Variants in FBXL18 observed in about 807,000 individuals in gnomAD.
FBXL18 encodes the protein F-box/LRR-repeat protein 18.
Under a neutral mutation model 46.0 loss-of-function variants are expected in FBXL18, and 36 were observed. The observed-to-expected ratio is 0.78, with a 90% CI of 0.60 to 1.03. FBXL18 has a LOEUF of 1.03. Among genes scored for constraint, FBXL18 ranks in the 50% least tolerant of loss-of-function variants. FBXL18 has a pLI of 0.00. For synonymous variants in FBXL18, 557 were observed against 465.3 expected (o/e 1.20, Z -2.54); for missense variants, 977 against 1,004.1 (o/e 0.97, Z 0.36).
At position 5,490,072 on chromosome 7, in the gene FBXL18, G is replaced by A. The variant is rs778938098; in HGVS notation, c.2000+1159C>T. 1.5e-5 allele frequency: 20 copies of A among 1,357,156 alleles called. 2 individuals are homozygous for A. The highest frequency in any genetic ancestry group is 3.5e-5 in the South Asian group (3 of 86,624). The allele number at this position is 1,357,156 out of a possible 1,614,324, so 84.1% of individuals were successfully genotyped here. A position where few individuals can be genotyped will look rare whatever the true frequency, so the allele number is the denominator to read the frequency against. Reference sequence around the variant, plus strand: ...CAGGATTATTCCTGAGACAGCCAGCGGCCGACCGCAAGGACAACAGACTAC... The same window carrying A: ...CAGGATTATTCCTGAGACAGCCAGCAGCCGACCGCAAGGACAACAGACTAC... On this transcript the variant is annotated intron_variant, in intron 4 of 4. Coordinates refer to ENST00000382368, the MANE Select transcript of FBXL18 (RefSeq NM_024963.6).
intron 4 of FBXL18, among the ~76,000 whole-genome samples, chr7:5,468,601 T>A (rs1052471255): frequency 6.6e-6 from 1 of 152,066 alleles, no homozygotes; most frequent in Non-Finnish European, 1.5e-5. Flanking sequence ...CCTCTTTTTA[T>A]ATTTATTTAG....
chr7:5,496,011 G>T lies in FBXL18; in HGVS notation c.1781+4477C>A, dbSNP rs534474670. Reference sequence around the variant, plus strand: ...CCACAGAACCCGCAGGCCTCTCCGCGCCTTCTCCATGGCCCTGCTCCTGAG... The same window carrying T: ...CCACAGAACCCGCAGGCCTCTCCGCTCCTTCTCCATGGCCCTGCTCCTGAG... On this transcript the variant is annotated intron_variant, in intron 3 of 4. Transcript: ENST00000382368. The surrounding 1 kb of genome is among the most constrained non-coding windows in gnomAD (Gnocchi z 4.8). 2.4e-6 allele frequency: 1 copy of T among 411,042 alleles called. No individual in the cohort carries two copies. The highest frequency in any genetic ancestry group is 5.2e-6 in the Non-Finnish European group (1 of 193,500). 25.5% of individuals were successfully genotyped at this position (411,042 alleles called of 1,614,324 possible).
chr7:5,486,354 G>A (rs2128234762), intron 4 of FBXL18, among the ~76,000 whole-genome samples: 1 of 152,158 alleles, frequency 6.6e-6, no homozygotes, highest in African/African-American at 2.4e-5. Context: ...GGGAGGTGGA[G>A]GCTGCAGTGA....
chr7:5,513,624 C>T (rs774795665), intron 1 of FBXL18, 33 bp downstream of exon 1: 1 of 1,611,638 alleles, frequency 6.2e-7, no homozygotes, highest in Non-Finnish European at 8.5e-7. Context: ...GCCGCCGAGG[C>T]AGAAGCAGAG....
At position 5,477,276 on chromosome 7, in the gene FBXL18, G is replaced by C. The variant is rs1299851525; in HGVS notation, c.*4499C>G. Among the ~76,000 whole-genome samples, 1 of 152,106 alleles carries C rather than the reference G, an allele frequency of 6.6e-6. No individual in the cohort carries two copies. Among genetic ancestry groups the C allele is most frequent in the East Asian group, 1.9e-4 (1 of 5,192 alleles). The stretch of plus-strand genomic sequence containing the variant: ...AAAGACCCCCCAGCGTCGTGGTCAA[G>C]GCTACCAGGAACTGGCAGCAGCGCT... On this transcript the variant is annotated 3_prime_UTR_variant, in exon 5 of 5. Transcript: ENST00000382368. The surrounding 1 kb of genome is among the most constrained non-coding windows in gnomAD (Gnocchi z 4.4).
chr7:5,506,294 G>A (rs1784393578), intron 1 of FBXL18, among the ~76,000 whole-genome samples: 1 of 149,504 alleles, frequency 6.7e-6, no homozygotes, highest in African/African-American at 2.5e-5. Context: ...TGTCACCCAG[G>A]GTGGAGTGCA....
At chr7:5,484,610 C>T (rs1240079082) in intron 4 of FBXL18, among the ~76,000 whole-genome samples, 1 of 151,180 alleles carries the variant, frequency 6.6e-6, no homozygotes, top group Admixed American at 6.6e-5. Context: ...GCTGGGACCA[C>T]AGGCACACAT....
intron 3 of FBXL18, 144 bp downstream of exon 3, chr7:5,500,344 C>A: frequency 1.4e-6 from 1 of 716,990 alleles, no homozygotes; most frequent in Non-Finnish European, 2.3e-6. Context: ...CCCAGAGCCC[C>A]GAGACCGACG....
intron 4 of FBXL18, among the ~76,000 whole-genome samples, chr7:5,487,122 C>G (rs1783796471): frequency 6.6e-6 from 1 of 152,228 alleles, no homozygotes; most frequent in Admixed American, 6.5e-5. Context: ...GACACTGACC[C>G]CTAGGCCCAC....
chr7:5,507,626 G>C (rs911200800), intron 1 of FBXL18, among the ~76,000 whole-genome samples: 1 of 151,570 alleles, frequency 6.6e-6, no homozygotes, highest in Non-Finnish European at 1.5e-5. Context: ...ACAAGGTCAA[G>C]AGATCGAGAC....
intron 4 of FBXL18, chr7:5,489,504 C>G (rs896232432): frequency 5.8e-5 from 20 of 347,736 alleles, no homozygotes; most frequent in South Asian, 1.1e-4. Flanking sequence ...GGCGCGGTGG[C>G]TCACGCCTGT....
At chr7:5,472,134 AAC>A (rs542318947), downstream of FBXL18, among the ~76,000 whole-genome samples, 3 of 152,088 alleles carry the variant, frequency 2.0e-5, no homozygotes, top group South Asian at 6.2e-4. Context: ...TGTGTGGGAA[AAC>A]ACAAGTTCCC....
rs1783510952 is a variant in FBXL18 at position 5,476,279 on chromosome 7, C to T, written c.*5496G>A. 6.6e-6 allele frequency: 1 copy of T among 152,284 alleles called. No homozygotes were observed. The highest frequency in any genetic ancestry group is 1.5e-5 in the Non-Finnish European group (1 of 68,146). The allele number at this position is 152,284 out of a possible 1,614,324, so 9.4% of individuals were successfully genotyped here. A position where few individuals can be genotyped will look rare whatever the true frequency, so the allele number is the denominator to read the frequency against. On this transcript the variant is annotated 3_prime_UTR_variant, in exon 5 of 5. Coordinates refer to ENST00000382368, the MANE Select transcript of FBXL18 (RefSeq NM_024963.6). ...CCCCAGACACATCAGCACAGCGGTC[C>T]AGGCTCTGGCTCACTCCCCGGGAGG...
At chr7:5,494,171 C>A (rs1465736331) in intron 3 of FBXL18, among the ~76,000 whole-genome samples, 2 of 151,998 alleles carry the variant, frequency 1.3e-5, no homozygotes, top group Non-Finnish European at 2.9e-5. Context: ...ACTCGGGAGG[C>A]TGAGGCAGGA....
chr7:5,470,396 G>A (rs983553090), intron 4 of FBXL18, among the ~76,000 whole-genome samples: 3 of 152,030 alleles, frequency 2.0e-5, no homozygotes, highest in Admixed American at 1.3e-4. Context: ...CCGGGCAGCT[G>A]CCCCAGCTCC....
Position 5,513,646 on chromosome 7 carries a change from G to T in FBXL18, c.18+11C>A, listed in dbSNP as rs1286508580. 1 of 1,611,918 alleles carries T rather than the reference G, an allele frequency of 6.2e-7. No homozygotes were observed. The highest frequency in any genetic ancestry group is 8.5e-7 in the Non-Finnish European group (1 of 1,179,046). ...AGGCAGAAGCAGAGCGGAGACAGTCGCGGACAGTACCTCTCCGGAGCTGGC... is the reference window on the plus strand; with the variant it reads ...AGGCAGAAGCAGAGCGGAGACAGTCTCGGACAGTACCTCTCCGGAGCTGGC... On this transcript the variant is annotated intron_variant, in intron 1 of 4. Transcript: ENST00000382368.
downstream of FBXL18, among the ~76,000 whole-genome samples, chr7:5,474,824 C>T (rs1783483776): frequency 6.6e-6 from 1 of 150,940 alleles, no homozygotes; most frequent in Non-Finnish European, 1.5e-5. Flanking sequence ...TCTCCTGCCT[C>T]AGCCTCCCGA....
chr7:5,457,037 T>C (rs1207431191), intron 4 of FBXL18, among the ~76,000 whole-genome samples: 1 of 152,240 alleles, frequency 6.6e-6, no homozygotes, highest in African/African-American at 2.4e-5. Context: ...GTGCTGGGAT[T>C]ACAGACGTGA....
At chr7:5,510,904 C>G (rs1410198720) in intron 1 of FBXL18, among the ~76,000 whole-genome samples, 1 of 152,072 alleles carries the variant, frequency 6.6e-6, no homozygotes, top group Non-Finnish European at 1.5e-5. Flanking sequence ...AATGTGCTTA[C>G]CAGGCACACT....
Sources: gnomAD v4.1 joint callset for allele counts (sites outside exome capture counted in the v4.1 genomes callset) on GRCh38, gnomAD v4.1.1 for gene constraint, Gnocchi (gnomAD v3.1) non-coding constraint, MANE v1.5 for transcripts, NCBI Gene and HGNC (gene_info 2026-07-23, HGNC 2026-07-21) for gene names.